The following VAV3 variants were observed in gnomAD, a reference collection of about 807,000 sequenced individuals.
VAV3 encodes the protein vav guanine nucleotide exchange factor 3.
Under a neutral mutation model 131.2 loss-of-function variants are expected in VAV3, and 94 were observed. That is an observed-to-expected ratio of 0.72 (90% CI 0.61 to 0.85). The LOEUF (loss-of-function observed/expected upper bound fraction) is 0.85, where lower values mean the gene tolerates loss of function less well. VAV3 is among the 40% of genes least tolerant of loss of function. VAV3 has a pLI of 0.00. For synonymous variants in VAV3, 349 were observed against 342.0 expected (o/e 1.02, Z -0.22); for missense variants, 939 against 1,002.7 (o/e 0.94, Z 0.86).
chr1:107,583,496 A>C (rs2101017921), intron 25 of VAV3, among the ~76,000 whole-genome samples: 1 of 152,260 alleles, frequency 6.6e-6, no homozygotes, highest in African/African-American at 2.4e-5. Flanking sequence ...ACATGATTGT[A>C]TATCTAGAAA....
intron 2 of VAV3, among the ~76,000 whole-genome samples, chr1:107,844,810 G>A (rs1256888757): frequency 6.6e-6 from 1 of 152,162 alleles, no homozygotes; most frequent in Non-Finnish European, 1.5e-5. Flanking sequence ...CAAAGTCAGG[G>A]GCTTATAGAT....
intron 2 of VAV3, among the ~76,000 whole-genome samples, chr1:107,790,938 G>A (rs150344617): frequency 0.034 from 5,221 of 151,770 alleles, 197 homozygotes; most frequent in African/African-American, 0.094. Flanking sequence ...TGCCCGCCTC[G>A]GACTCCCAAA....
At chr1:107,651,997 G>A (rs888976060) in intron 19 of VAV3, among the ~76,000 whole-genome samples, 3 of 152,048 alleles carry the variant, frequency 2.0e-5, no homozygotes, top group Admixed American at 6.6e-5. Context: ...TGTCACAGAC[G>A]AGTGAACCAG....
chr1:107,686,850 T>C (rs888957278), intron 18 of VAV3, among the ~76,000 whole-genome samples: 85 of 152,300 alleles, frequency 5.6e-4, no homozygotes, highest in African/African-American at 1.9e-3. Flanking sequence ...CACTTCTTAT[T>C]GGCATATTTT....
At chr1:107,576,630 C>G (rs1447204447) in intron 25 of VAV3, among the ~76,000 whole-genome samples, 1 of 152,160 alleles carries the variant, frequency 6.6e-6, no homozygotes, top group Admixed American at 6.5e-5. Flanking sequence ...TAGTATTTTG[C>G]AATTCAGAGC....
chr1:107,932,989 T>G (rs1360947093), intron 1 of VAV3, among the ~76,000 whole-genome samples: 2 of 152,352 alleles, frequency 1.3e-5, no homozygotes, highest in East Asian at 3.9e-4. Context: ...CCACTAAATT[T>G]GTCATAATTT....
intron 2 of VAV3, among the ~76,000 whole-genome samples, chr1:107,830,074 C>T (rs547341923): frequency 7.9e-5 from 12 of 152,154 alleles, no homozygotes; most frequent in Non-Finnish European, 1.5e-4. Flanking sequence ...GTTCCTTTCA[C>T]CTTTTAAAAT....
chr1:107,723,525 G>A (rs563547435), intron 15 of VAV3, among the ~76,000 whole-genome samples: 1 of 152,142 alleles, frequency 6.6e-6, no homozygotes, highest in East Asian at 1.9e-4. Flanking sequence ...CTGGCTGCTT[G>A]ACACACTGCC....
rs529756163 is a variant in VAV3, at chr1:107,846,640, A to G, written c.321+28261T>C. On this transcript the variant is annotated intron_variant, in intron 2 of 26. Coordinates refer to ENST00000370056, the MANE Select transcript of VAV3 (RefSeq NM_006113.5). ...TCCTAGTCTCTGAGTCTCTGACAAA[A>G]CAGACTTTAAACCAACAAAGATCAA... 1.5e-4 allele frequency among the ~76,000 whole-genome samples: 23 copies of G among 152,322 alleles called. No homozygotes were observed. In the South Asian group the frequency reaches 4.4e-3, roughly 29 times the overall value.
At chr1:107,721,627 GC>G (rs1430417720) in intron 15 of VAV3, among the ~76,000 whole-genome samples, 1 of 152,108 alleles carries the variant, frequency 6.6e-6, no homozygotes, top group African/African-American at 2.4e-5. Context: ...GTAGAAACAG[GC>G]CCAGAAGTTT....
intron 1 of VAV3, among the ~76,000 whole-genome samples, chr1:107,910,380 G>A (rs1460301008): frequency 6.6e-6 from 1 of 152,210 alleles, no homozygotes; most frequent in African/African-American, 2.4e-5. Flanking sequence ...TTCACTCCAA[G>A]AAGGAAGCTT....
intron 2 of VAV3, among the ~76,000 whole-genome samples, chr1:107,822,510 C>T (rs1667837589): frequency 6.6e-6 from 1 of 151,678 alleles, no homozygotes; most frequent in African/African-American, 2.4e-5. Context: ...AAAAAAACAG[C>T]CGGGCAAGGT....
intron 12 of VAV3, among the ~76,000 whole-genome samples, chr1:107,753,540 A>ATACATATATATATATG (rs1266849105): frequency 2.6e-5 from 2 of 75,894 alleles, no homozygotes; most frequent in Admixed American, 1.2e-4. Flanking sequence ...ATATATATAT[A>ATACATATATATATATG]TATATATATA....
At chr1:107,617,952 G>T (rs1057157154) in intron 20 of VAV3, among the ~76,000 whole-genome samples, 1 of 152,108 alleles carries the variant, frequency 6.6e-6, no homozygotes, top group Non-Finnish European at 1.5e-5. Flanking sequence ...TGGCCCCAGG[G>T]ATGTGGGGTG....
chr1:107,821,975 T>C (rs1453901135), intron 2 of VAV3, among the ~76,000 whole-genome samples: 3 of 152,066 alleles, frequency 2.0e-5, no homozygotes, highest in African/African-American at 4.8e-5. Flanking sequence ...TAAAGAGAAA[T>C]TGCATGCAGG....
chr1:107,811,349 C>A (rs1557861383), intron 2 of VAV3, among the ~76,000 whole-genome samples: 4 of 152,078 alleles, frequency 2.6e-5, no homozygotes, highest in Admixed American at 1.3e-4. Context: ...AGATACTGGG[C>A]ATGACTGGCA....
At chr1:107,949,454 G>A (rs1037064345) in intron 1 of VAV3, among the ~76,000 whole-genome samples, 1 of 152,048 alleles carries the variant, frequency 6.6e-6, no homozygotes, top group African/African-American at 2.4e-5. Flanking sequence ...GGGAGTACAG[G>A]CATGTGCTAC....
chr1:107,608,531 T>G, intron 22 of VAV3, among the ~76,000 whole-genome samples: 1 of 152,152 alleles, frequency 6.6e-6, no homozygotes, highest in East Asian at 1.9e-4. Flanking sequence ...TTCAATCAGG[T>G]AAAAATGAAG....
intron 19 of VAV3, among the ~76,000 whole-genome samples, chr1:107,661,169 A>C (rs1656983279): frequency 6.6e-6 from 1 of 152,176 alleles, no homozygotes; most frequent in African/African-American, 2.4e-5. Context: ...ATATTATTTA[A>C]CAAAAGTTTC....
Sources: gnomAD v4.1 joint callset for allele counts (sites outside exome capture counted in the v4.1 genomes callset) on GRCh38, gnomAD v4.1.1 for gene constraint, MANE v1.5 for transcripts, NCBI Gene and HGNC (gene_info 2026-07-23, HGNC 2026-07-21) for gene names.